DZIP3: variants seen among roughly 807,000 people sequenced by gnomAD.
The protein encoded by DZIP3 is DAZ interacting zinc finger protein 3.
In DZIP3, 118 loss-of-function variants were observed where a neutral mutation model predicts 162.0. That is an observed-to-expected ratio of 0.73 (90% CI 0.63 to 0.85). The LOEUF (loss-of-function observed/expected upper bound fraction) is 0.85. Ranked by LOEUF, DZIP3 falls within the 40% of genes least tolerant of loss-of-function variation. The probability of loss-of-function intolerance (pLI) is 0.00; values close to 1 mark genes in which losing one functional copy is unlikely to be tolerated. For missense variants in DZIP3, 1,331 were observed against 1,407.0 expected (o/e 0.95, Z 0.86); for synonymous variants, 438 against 458.6 (o/e 0.96, Z 0.57).
At position 108,644,189 on chromosome 3, in the gene DZIP3, T is replaced by C; in HGVS notation, c.1167T>C (p.Asp389=). 1 of 1,603,544 alleles carries C rather than the reference T, an allele frequency of 6.2e-7. No individual in the cohort carries two copies. Among genetic ancestry groups the C allele is most frequent in the Non-Finnish European group, 8.5e-7 (1 of 1,176,500 alleles). ...ATGAAATGCCTATCTTCAAGCTTGA[T>C]TATAATTATTTCTATCATCTGCTTC... is the stretch of plus-strand genomic sequence containing the variant. ...TKDEMPIFKL[D]YNYFYHLLHI... The change falls in exon 14 of 33, where the codon GAT becomes GAC. Residue 389 remains aspartate (D), a synonymous_variant. Coordinates refer to ENST00000361582, the MANE Select transcript of DZIP3 (RefSeq NM_014648.4).
At chr3:108,674,591 A>G (rs1944036790) in intron 24 of DZIP3, among the ~76,000 whole-genome samples, 1 of 151,888 alleles carries the variant, frequency 6.6e-6, no homozygotes, top group Non-Finnish European at 1.5e-5. Flanking sequence ...TTCTAATTGG[A>G]AGACTTTTTT....
chr3:108,594,651 G>A (rs1356979010), intron 1 of DZIP3, among the ~76,000 whole-genome samples: 2 of 151,746 alleles, frequency 1.3e-5, no homozygotes, highest in African/African-American at 4.8e-5. Flanking sequence ...GTGTCTATGT[G>A]TTCTTTCCGT....
At chr3:108,661,015 G>A (rs1943401915) in intron 19 of DZIP3, among the ~76,000 whole-genome samples, 1 of 152,150 alleles carries the variant, frequency 6.6e-6, no homozygotes, top group East Asian at 1.9e-4. Context: ...GGAGAAATAG[G>A]AACACTTTTA....
At chr3:108,665,953 G>T (rs1232994924) in intron 21 of DZIP3, among the ~76,000 whole-genome samples, 2 of 152,122 alleles carry the variant, frequency 1.3e-5, no homozygotes, top group African/African-American at 4.8e-5. Flanking sequence ...TACCGTTAAA[G>T]TATGGCTATA....
intron 12 of DZIP3, among the ~76,000 whole-genome samples, chr3:108,640,034 T>TA (rs1942320416): frequency 6.6e-6 from 1 of 152,152 alleles, no homozygotes; most frequent in African/African-American, 2.4e-5. Context: ...ATGGGCTCTT[T>TA]AGGAGTATTT....
chr3:108,633,626 A>G (rs1941987842), intron 9 of DZIP3, among the ~76,000 whole-genome samples: 1 of 149,706 alleles, frequency 6.7e-6, no homozygotes, highest in Admixed American at 6.6e-5. Flanking sequence ...CTCTGGATCT[A>G]TCAGAGTACT....
At position 108,686,503 on chromosome 3, in the gene DZIP3, C is replaced by T; in HGVS notation, c.3068C>T (p.Ala1023Val). The part of the protein sequence containing the change: ...APVGDAVPPS[A>V]GLRSDPSIMN... ...GTGGGAGACGCTGTGCCTCCCAGTG[C>T]AGGTCTGCGGAGTGATCCCTCCATC... The change falls in exon 28 of 33, where the codon GCA becomes GTA. Residue 1023 changes from alanine to valine, a missense_variant. Physicochemically the swap from Ala to Val is moderately conservative, Grantham distance 64. This residue lies in a region of DZIP3 where 1,278 missense variants were observed against 1,317.1 expected (regional missense o/e 0.97). Transcript: ENST00000361582. 1.2e-6 allele frequency: 2 copies of T among 1,612,384 alleles called. No homozygotes were observed. Among genetic ancestry groups the T allele is most frequent in the Non-Finnish European group, 8.5e-7 (1 of 1,179,480 alleles).
chr3:108,636,194 A>G (rs1185426027), intron 10 of DZIP3, among the ~76,000 whole-genome samples: 1 of 151,974 alleles, frequency 6.6e-6, no homozygotes, highest in Non-Finnish European at 1.5e-5. Context: ...AAGAGAAGTA[A>G]AAGAAAAATA....
intron 27 of DZIP3, among the ~76,000 whole-genome samples, chr3:108,686,044 A>C (rs1944486791): frequency 6.6e-6 from 1 of 152,172 alleles, no homozygotes; most frequent in African/African-American, 2.4e-5. Flanking sequence ...ATTTCTCTAT[A>C]GATGTAAGGT....
chr3:108,633,521 G>A (rs762667158), intron 9 of DZIP3, among the ~76,000 whole-genome samples: 2 of 151,854 alleles, frequency 1.3e-5, no homozygotes, highest in Non-Finnish European at 2.9e-5. Context: ...GGGGGAAAAA[G>A]TAACCAGCCT....
Position 108,631,055 on chromosome 3 carries a change from A to ACACTCT in DZIP3, c.696+1880_696+1881insACTCTC. ...CACACACACACACACACACACACAC[A>ACACTCT]CTCTCTCTCTCTCTCTCTCTCTCTC... is the stretch of plus-strand genomic sequence containing the variant. On this transcript the variant is annotated intron_variant, in intron 8 of 32. Transcript: ENST00000361582. 5.5e-4 allele frequency among the ~76,000 whole-genome samples: 10 copies of ACACTCT among 18,020 alleles called. 1 individual carries two copies. Among genetic ancestry groups the ACACTCT allele is most frequent in the East Asian group, 5.1e-3 (2 of 396 alleles). The allele number at this position is 18,020 out of a possible 152,430, so 11.8% of individuals were successfully genotyped here. A position where few individuals can be genotyped will look rare whatever the true frequency, so the allele number is the denominator to read the frequency against.
intron 16 of DZIP3, chr3:108,648,360 AAT>A (rs1314194439): frequency 9.7e-6 from 3 of 307,982 alleles, no homozygotes; most frequent in African/African-American, 2.2e-5. Context: ...GCTAGACTGT[AAT>A]ATGTTTTTTT....
At chr3:108,601,100 C>T (rs1256486216) in intron 1 of DZIP3, among the ~76,000 whole-genome samples, 2 of 152,032 alleles carry the variant, frequency 1.3e-5, no homozygotes, top group Non-Finnish European at 2.9e-5. Flanking sequence ...ATTTTTCTTC[C>T]CCAGAACAAT....
chr3:108,623,090 G>T (rs148159408), intron 5 of DZIP3, among the ~76,000 whole-genome samples: 1 of 151,962 alleles, frequency 6.6e-6, no homozygotes, highest in South Asian at 2.1e-4. Flanking sequence ...GGCCCAGGGC[G>T]AGTGCAGAAG....
intron 31 of DZIP3, among the ~76,000 whole-genome samples, chr3:108,690,364 G>C (rs759496847): frequency 1.3e-5 from 2 of 152,162 alleles, no homozygotes; most frequent in Non-Finnish European, 2.9e-5. Flanking sequence ...GTGTATTCAT[G>C]ATCTAGGGAT....
Position 108,670,034 on chromosome 3 carries a change from AAG to A in DZIP3, c.2492+288_2492+289del, listed in dbSNP as rs557896067. 3.9e-5 allele frequency among the ~76,000 whole-genome samples: 6 copies of A among 152,062 alleles called. No individual in the cohort carries two copies. In the South Asian group the frequency reaches 1.2e-3, roughly 32 times the overall value. Reference sequence around the variant, plus strand: ...AAACTACTGCCAGAGATTAGACCTTAAGAGTTACCCCAGTCAGTACTATTAGA... The same window carrying A: ...AAACTACTGCCAGAGATTAGACCTTAAGTTACCCCAGTCAGTACTATTAGA... On this transcript the variant is annotated intron_variant, in intron 22 of 32. Transcript: ENST00000361582.
Position 108,675,815 on chromosome 3 carries a change from C to CG in DZIP3, c.2725dup (p.Val909GlyfsTer12). On this transcript the variant is annotated frameshift_variant, in exon 25 of 33. Coordinates refer to ENST00000361582, the MANE Select transcript of DZIP3 (RefSeq NM_014648.4). LOFTEE classifies it high-confidence loss of function. ...CTAGAATCACTTCAATTAAAGGCTGCGGTAGACAGTTGGAATGCCATTGTG... is the reference window on the plus strand; with the variant it reads ...CTAGAATCACTTCAATTAAAGGCTGCGGGTAGACAGTTGGAATGCCATTGTG... 2 of 1,609,004 alleles carry CG rather than the reference C, an allele frequency of 1.2e-6. No individual in the cohort carries two copies. Among genetic ancestry groups the CG allele is most frequent in the Non-Finnish European group, 8.5e-7 (1 of 1,177,548 alleles).
chr3:108,654,842 A>G (rs1436557212), intron 19 of DZIP3, among the ~76,000 whole-genome samples: 2 of 152,178 alleles, frequency 1.3e-5, no homozygotes, highest in African/African-American at 2.4e-5. Flanking sequence ...GCTCAACAGC[A>G]AATGAAATAA....
At chr3:108,617,424 C>G (rs988507024) in intron 5 of DZIP3, among the ~76,000 whole-genome samples, 16 of 151,822 alleles carry the variant, frequency 1.1e-4, no homozygotes, top group Non-Finnish European at 2.1e-4. Context: ...TCTTTTTAAA[C>G]CATAATTAAT....
Sources: allele counts gnomAD v4.1 joint callset (sites outside exome capture counted in the v4.1 genomes callset), GRCh38; gene constraint gnomAD v4.1.1; regional missense constraint gnomAD v4.1.1; transcripts MANE v1.5; gene names NCBI Gene and HGNC (gene_info 2026-07-23, HGNC 2026-07-21).